NINL: variants seen among roughly 807,000 people sequenced by gnomAD.
NINL encodes the protein ninein like, also known as ninein-like protein.
A neutral mutation model predicts 160.3 loss-of-function variants in NINL; 153 were observed. That is an observed-to-expected ratio of 0.95 (90% CI 0.84 to 1.09). NINL has a LOEUF of 1.09. NINL is among the 50% of genes least tolerant of loss of function. NINL has a pLI of 0.00. For missense variants in NINL, 1,829 were observed against 1,764.0 expected, an observed-to-expected ratio of 1.04 and a Z score of -0.66; for synonymous variants, 800 against 734.8, an observed-to-expected ratio of 1.09 and a Z score of -1.43.
intron 1 of NINL, among the ~76,000 whole-genome samples, chr20:25,535,286 T>C (rs765429950): frequency 1.1e-4 from 17 of 151,952 alleles, no homozygotes; most frequent in Non-Finnish European, 2.1e-4. Context: ...AGTTGTTGGG[T>C]AGGGGTGCAA....
At position 25,503,941 on chromosome 20, in the gene NINL, T is replaced by C. The variant is rs1431625466; in HGVS notation, c.861+11A>G. The C allele has an allele frequency of 1.2e-6, 2 of 1,614,086 alleles. No homozygotes were observed. Among genetic ancestry groups the C allele is most frequent in the Non-Finnish European group, 8.5e-7 (1 of 1,179,984 alleles). On this transcript the variant is annotated intron_variant, in intron 7 of 23. Transcript: ENST00000278886. ...GGTTGCTGGGTTCAGGATTTAACTGTTGCATTTTACCTGGTAATGAGACCA... is the reference window on the plus strand; with the variant it reads ...GGTTGCTGGGTTCAGGATTTAACTGCTGCATTTTACCTGGTAATGAGACCA...
intron 5 of NINL, among the ~76,000 whole-genome samples, chr20:25,509,312 C>T (rs914502926): frequency 6.6e-6 from 1 of 152,152 alleles, no homozygotes; most frequent in Non-Finnish European, 1.5e-5. Context: ...AGTGACGCTT[C>T]ATATGATTTC....
Position 25,489,968 on chromosome 20 carries a change from C to T in NINL, c.1503G>A (p.Gln501=), listed in dbSNP as rs778634209. 6.2e-7 allele frequency: 1 copy of T among 1,614,182 alleles called. No individual in the cohort carries two copies. The highest frequency in any genetic ancestry group is 1.7e-5 in the Admixed American group (1 of 60,028). Residue 501 remains glutamine (Q), a synonymous_variant, in exon 12 of 24, where the codon CAG becomes CAA. Transcript: ENST00000278886. ...TTTCCACCACTTCCACAATCTCCTT[C>T]TGTAGGCGACTGTTTTCCTAGGAGA... The part of the protein sequence containing the change: ...TLALKENSRL[Q]KEIVEVVEKL...
chr20:25,545,414 C>T (rs957320793), intron 1 of NINL, among the ~76,000 whole-genome samples: 4 of 152,118 alleles, frequency 2.6e-5, no homozygotes, highest in African/African-American at 4.8e-5. Flanking sequence ...TAAAGTCTCC[C>T]CTTTTCATAC....
At position 25,479,099 on chromosome 20, in the gene NINL, C is replaced by T; in HGVS notation, c.2025G>A (p.Gln675=). Residue 675 remains glutamine (Q), a synonymous_variant, in exon 16 of 24, where the codon CAG becomes CAA. Coordinates refer to ENST00000278886, the MANE Select transcript of NINL (RefSeq NM_025176.6). ...RRREVSVLEG[Q]KADLEELHEK... ...CGTGGAGCTCCTCCAGGTCGGCCTT[C>T]TGACCCTCCAGCACGCTGACCTCGC... is the stretch of plus-strand genomic sequence containing the variant. 6.2e-7 allele frequency: 1 copy of T among 1,613,730 alleles called. No homozygotes were observed. The highest frequency in any genetic ancestry group is 8.5e-7 in the Non-Finnish European group (1 of 1,180,036).
chr20:25,471,514 T>C (rs723774), intron 17 of NINL, among the ~76,000 whole-genome samples: 23,728 of 152,132 alleles, frequency 0.16, 2,139 homozygotes, highest in East Asian at 0.35. Context: ...ATCCCCCACA[T>C]GACCACCAAA....
Position 25,453,474 on chromosome 20 carries a change from C to A in NINL, c.4126G>T (p.Ala1376Ser), listed in dbSNP as rs753550459. The change falls in exon 24 of 24, where the codon GCC (alanine) becomes TCC (serine). Residue 1376 changes from alanine to serine, a missense_variant. Physicochemically the swap from Ala to Ser is moderately conservative, Grantham distance 99 (BLOSUM62 1). Transcript: ENST00000278886. ...RALNKLVSRI[A>S]PAALSV Reference sequence around the variant, plus strand: ...CTTTACACAGAGAGGGCTGCGGGGGCAATCCTACTGACGAGTTTGTTGAGA... The same window carrying A: ...CTTTACACAGAGAGGGCTGCGGGGGAAATCCTACTGACGAGTTTGTTGAGA... 2 of 1,611,578 alleles carry A rather than the reference C, an allele frequency of 1.2e-6. No individual in the cohort carries two copies. Among genetic ancestry groups the A allele is most frequent in the Non-Finnish European group, 1.7e-6 (2 of 1,178,974 alleles).
intron 1 of NINL, among the ~76,000 whole-genome samples, chr20:25,550,343 T>C (rs2064791354): frequency 6.6e-6 from 1 of 152,186 alleles, no homozygotes; most frequent in Non-Finnish European, 1.5e-5. Flanking sequence ...CCCTGCATGA[T>C]GAAGGGGGCC....
intron 1 of NINL, among the ~76,000 whole-genome samples, chr20:25,538,771 A>G (rs1275135400): frequency 6.6e-6 from 1 of 151,934 alleles, no homozygotes; most frequent in African/African-American, 2.4e-5. Context: ...TGAGGAGAGC[A>G]CAGAACTGGA....
At chr20:25,466,323 G>A (rs952249676) in intron 19 of NINL, among the ~76,000 whole-genome samples, 1 of 152,018 alleles carries the variant, frequency 6.6e-6, no homozygotes, top group Non-Finnish European at 1.5e-5. Context: ...CACCCGGCCT[G>A]TAACTTGTCT....
chr20:25,476,966 C>T lies in NINL; in HGVS notation c.2325G>A (p.Arg775=), dbSNP rs747827473. The change falls in exon 17 of 24, where the codon AGG becomes AGA. Residue 775 remains arginine, a synonymous_variant. Transcript: ENST00000278886. The part of the protein sequence containing the change: ...PQGPLPRGSQ[R]SEQLELERAL... ...CCCTCTCCAGCTCCAGCTGCTCCGACCTCTGGCTCCCGCGTGGCAGGGGTC... is the reference window on the plus strand; with the variant it reads ...CCCTCTCCAGCTCCAGCTGCTCCGATCTCTGGCTCCCGCGTGGCAGGGGTC... The T allele has an allele frequency of 1.2e-6, 2 of 1,608,072 alleles. No homozygotes were observed. Among genetic ancestry groups the T allele is most frequent in the Non-Finnish European group, 8.5e-7 (1 of 1,179,856 alleles).
intron 17 of NINL, among the ~76,000 whole-genome samples, chr20:25,474,214 C>T (rs566651243): frequency 1.3e-5 from 2 of 152,330 alleles, no homozygotes; most frequent in East Asian, 1.9e-4. Context: ...GATGGAAGGA[C>T]GCCTCAAGTC....
intron 5 of NINL, among the ~76,000 whole-genome samples, chr20:25,509,429 G>A (rs1200690292): frequency 1.3e-5 from 2 of 152,226 alleles, no homozygotes; most frequent in Non-Finnish European, 2.9e-5. Context: ...CCTGCTCCTT[G>A]GAGAAGCTCT....
intron 2 of NINL, among the ~76,000 whole-genome samples, chr20:25,518,172 A>G (rs1402722037): frequency 6.6e-6 from 1 of 152,216 alleles, no homozygotes; most frequent in East Asian, 1.9e-4. Flanking sequence ...CAACGCCACC[A>G]GCACTGCAGA....
chr20:25,480,353 T>C, intron 14 of NINL, 86 bp from the exon 15 acceptor site: 1 of 1,013,516 alleles, frequency 9.9e-7, no homozygotes, highest in Non-Finnish European at 1.5e-6. Context: ...ATTTTGGCAT[T>C]GGCATCCATG....
chr20:25,498,971 G>A (rs1291828705), intron 8 of NINL: 1 of 985,380 alleles, frequency 1.0e-6, no homozygotes, highest in African/African-American at 1.7e-5. Flanking sequence ...GCTCAAGGGA[G>A]CGGCAGCTAA....
intron 17 of NINL, among the ~76,000 whole-genome samples, chr20:25,472,343 A>ATATGTG (rs1555845916): frequency 2.3e-5 from 3 of 128,856 alleles, no homozygotes; most frequent in African/African-American, 9.9e-5. Flanking sequence ...ATATATATAT[A>ATATGTG]TATATATATA....
rs146202561 is a variant in NINL, at chr20:25,526,669, G to A, written c.-11-71C>T. ...CCTCCCCTCCCATTCCCACACTGCC[G>A]GTGAGCACCGAGCTACATGGTCCAA... On this transcript the variant is annotated intron_variant, in intron 1 of 23. Transcript: ENST00000278886. The A allele has an allele frequency of 2.6e-4, 383 of 1,471,386 alleles. 1 individual carries two copies. The African/African-American group carries it at 4.6e-3, about 18-fold the overall frequency. The allele number at this position is 1,471,386 out of a possible 1,614,324, so 91.1% of individuals were successfully genotyped here. A position where few individuals can be genotyped will look rare whatever the true frequency, so the allele number is the denominator to read the frequency against.
At position 25,453,690 on chromosome 20, in the gene NINL, G is replaced by A. The variant is rs766991096; in HGVS notation, c.3958-48C>T. The A allele has an allele frequency of 1.6e-5, 24 of 1,503,646 alleles. 1 individual carries two copies. The highest frequency in any genetic ancestry group is 3.9e-4 in the Middle Eastern group (2 of 5,136). The allele number at this position is 1,503,646 out of a possible 1,614,324, so 93.1% of individuals were successfully genotyped here. A position where few individuals can be genotyped will look rare whatever the true frequency, so the allele number is the denominator to read the frequency against. On this transcript the variant is annotated intron_variant, in intron 23 of 23. Coordinates refer to ENST00000278886, the MANE Select transcript of NINL (RefSeq NM_025176.6). The stretch of plus-strand genomic sequence containing the variant: ...CTTTGCATGAGGCCGGTGGAGAAAC[G>A]CTACAGATCAGCCTGCTCTCTTTTA...
Sources: gnomAD v4.1 joint callset for allele counts (sites outside exome capture counted in the v4.1 genomes callset) on GRCh38, gnomAD v4.1.1 for gene constraint, MANE v1.5 for transcripts, NCBI Gene and HGNC (gene_info 2026-07-23, HGNC 2026-07-21) for gene names.